The following VAV2 variants were observed in gnomAD, a reference collection of about 807,000 sequenced individuals.
VAV2 encodes guanine nucleotide exchange factor VAV2.
Under a neutral mutation model 132.5 loss-of-function variants are expected in VAV2, and 67 were observed. The ratio of observed to expected loss-of-function variants is 0.51; its 90% CI spans 0.42 to 0.62. The LOEUF (loss-of-function observed/expected upper bound fraction) is 0.62, where lower values mean the gene tolerates loss of function less well. Among genes scored for constraint, VAV2 ranks in the 20% least tolerant of loss-of-function variants. The probability of loss-of-function intolerance (pLI) is 0.00; values close to 1 mark genes in which losing one functional copy is unlikely to be tolerated. For missense variants in VAV2, 938 were observed against 1,153.6 expected (o/e 0.81, Z 2.71); for synonymous variants, 492 against 443.5 (o/e 1.11, Z -1.37).
rs74516459 is a variant in VAV2 at position 133,834,152 on chromosome 9, G to A, written c.449+120C>T. The A allele has an allele frequency of 0.011, 12,291 of 1,161,444 alleles. 902 individuals are homozygous for A. The African/African-American group carries it at 0.17, about 16-fold the overall frequency. 71.9% of individuals were successfully genotyped at this position (1,161,444 alleles called of 1,614,324 possible). On this transcript the variant is annotated intron_variant, in intron 4 of 29. Transcript: ENST00000371850. The surrounding 1 kb of genome is among the most constrained non-coding windows in gnomAD (Gnocchi z 5.9). ...CATGAGGAGATGCCCCGGTGGGAAG[G>A]GCCAGGGCCAGCTCTGCCTGCACTG...
intron 4 of VAV2, among the ~76,000 whole-genome samples, chr9:133,831,247 C>G (rs1836250144): frequency 6.6e-6 from 1 of 152,096 alleles, no homozygotes; most frequent in South Asian, 2.1e-4. Context: ...ACCAGCCTGG[C>G]CAACACGGTG....
intron 1 of VAV2, among the ~76,000 whole-genome samples, chr9:133,940,092 G>A (rs972110710): frequency 2.6e-5 from 4 of 152,190 alleles, no homozygotes; most frequent in South Asian, 2.1e-4. Context: ...GGAATCACTC[G>A]GGCCCCAGGT....
chr9:133,978,435 G>A (rs759649496), intron 1 of VAV2, among the ~76,000 whole-genome samples: 3 of 152,248 alleles, frequency 2.0e-5, no homozygotes, highest in African/African-American at 4.8e-5. Context: ...ACTTGGAGAC[G>A]GGCTCCCCAA....
intron 19 of VAV2, among the ~76,000 whole-genome samples, chr9:133,782,076 G>A (rs1834028229): frequency 6.8e-6 from 1 of 147,556 alleles, no homozygotes; most frequent in African/African-American, 2.5e-5. Context: ...ATTTTCTACG[G>A]AAAATCAGTA....
At chr9:133,977,239 T>C (rs1475153791) in intron 1 of VAV2, among the ~76,000 whole-genome samples, 1 of 152,150 alleles carries the variant, frequency 6.6e-6, no homozygotes, top group African/African-American at 2.4e-5. Flanking sequence ...TGGTGTCCAT[T>C]TGAGGAGCAG....
At chr9:133,934,405 C>A (rs1047322755) in intron 2 of VAV2, among the ~76,000 whole-genome samples, 1 of 152,208 alleles carries the variant, frequency 6.6e-6, no homozygotes, top group Non-Finnish European at 1.5e-5. Flanking sequence ...ACCTGGAGAA[C>A]CGGGGAAGCA....
intron 21 of VAV2, among the ~76,000 whole-genome samples, chr9:133,779,243 C>G (rs1053161158): frequency 3.9e-5 from 6 of 152,206 alleles, no homozygotes; most frequent in Non-Finnish European, 7.3e-5. Context: ...TCAGCAGGCC[C>G]AGCAGCTTGC....
rs370841001 is a variant in VAV2, at chr9:133,769,471, T to A, written c.2380A>T (p.Ser794Cys). 1.2e-6 allele frequency: 2 copies of A among 1,612,690 alleles called. No individual in the cohort carries two copies. The highest frequency in any genetic ancestry group is 1.7e-6 in the Non-Finnish European group (2 of 1,179,490). ...GAAGCAAAGCTGAGGCCCTGAGGAC[T>A]GAGAAAAGAAAAGTTGTAGGAAGCA... ...SCASYNFSFL[S>C]PQGLSFASQG... is the part of the protein sequence containing the mutation. Residue 794 changes from serine to cysteine, a missense_variant, in exon 28 of 30, where the codon AGT (serine) becomes TGT (cysteine). By Grantham distance (112) the Ser-to-Cys change is moderately radical (BLOSUM62 -1). Transcript: ENST00000371850. This position sits in a 1 kb window ranked among gnomAD's most constrained non-coding sequence, Gnocchi z 8.1.
rs1406003959 is a variant in VAV2, at chr9:133,764,326, C to T, written c.2590-217G>A. 2.6e-5 allele frequency among the ~76,000 whole-genome samples: 4 copies of T among 152,024 alleles called. No individual in the cohort carries two copies. In the South Asian group the frequency reaches 6.2e-4, roughly 24 times the overall value. ...GGCCAGTTTAAGATGATCTGCCCAC[C>T]CTCCAGCTGCCAGTCAGAAAAAAAA... On this transcript the variant is annotated intron_variant, in intron 29 of 29. Transcript: ENST00000371850.
At chr9:133,811,172 C>T (rs1466712970) in intron 5 of VAV2, among the ~76,000 whole-genome samples, 1 of 152,218 alleles carries the variant, frequency 6.6e-6, no homozygotes, top group Non-Finnish European at 1.5e-5. Context: ...GAACAAAACT[C>T]AGTCGAGACC....
At chr9:133,980,787 G>A (rs938769412) in intron 1 of VAV2, among the ~76,000 whole-genome samples, 4 of 152,168 alleles carry the variant, frequency 2.6e-5, no homozygotes, top group East Asian at 1.9e-4. Flanking sequence ...CTGCTGGAAC[G>A]CAGATTTCAA....
Position 133,784,401 on chromosome 9 carries a change from T to C in VAV2, c.1550A>G (p.Asp517Gly). 1 of 1,614,200 alleles carries C rather than the reference T, an allele frequency of 6.2e-7. No homozygotes were observed. The highest frequency in any genetic ancestry group is 8.5e-7 in the Non-Finnish European group (1 of 1,180,018). The change falls in exon 18 of 30, where the codon GAC becomes GGC. Residue 517 changes from aspartate (D) to glycine (G), a missense_variant. Physicochemically the swap from Asp to Gly is moderately conservative, Grantham distance 94. Transcript: ENST00000371850. ...ACTGTGGTGGTTGGCATTGGCTTTG[T>C]CTGGCTTGATGTTTGACCTGGCAGG... ...FEMAMSNIKPDKANANHHSFQ... is the reference protein window; with the variant it reads ...FEMAMSNIKPGKANANHHSFQ...
At chr9:133,951,251 A>G (rs1270009892) in intron 1 of VAV2, among the ~76,000 whole-genome samples, 2 of 152,228 alleles carry the variant, frequency 1.3e-5, no homozygotes, top group Non-Finnish European at 2.9e-5. Flanking sequence ...GCCATGCGAC[A>G]GCAAAGTGTC....
intron 3 of VAV2, among the ~76,000 whole-genome samples, chr9:133,848,344 T>C (rs1837031897): frequency 6.6e-6 from 1 of 151,582 alleles, no homozygotes. Context: ...TATTTGAATT[T>C]TGATAAAAGG....
intron 13 of VAV2, 76 bp downstream of exon 13, chr9:133,791,707 T>G: frequency 7.6e-7 from 1 of 1,323,882 alleles, no homozygotes; most frequent in East Asian, 2.3e-5. Context: ...GCTCACTCAA[T>G]ACTGGGGCTG....
At chr9:133,772,082 A>G (rs1352583098) in intron 25 of VAV2, 36 bp from the exon 26 acceptor site, 1 of 1,586,926 alleles carries the variant, frequency 6.3e-7, no homozygotes, top group Non-Finnish European at 8.7e-7. Context: ...TCACCGCGTG[A>G]GGGCCACACG....
intron 25 of VAV2, among the ~76,000 whole-genome samples, chr9:133,772,391 G>A (rs1457742055): frequency 4.6e-5 from 7 of 152,098 alleles, no homozygotes; most frequent in South Asian, 4.1e-4. Context: ...TGGAGCAGCC[G>A]GGCCCAGCCC....
rs1837682499 is a variant in VAV2 at position 133,863,525 on chromosome 9, G to A, written c.322-2093C>T. On this transcript the variant is annotated intron_variant, in intron 2 of 29. Coordinates refer to ENST00000371850, the MANE Select transcript of VAV2 (RefSeq NM_001134398.2). This position sits in a 1 kb window ranked among gnomAD's most constrained non-coding sequence, Gnocchi z 5.0. The stretch of plus-strand genomic sequence containing the variant: ...GGTTCTCCTGCGTCCATGCATCTGT[G>A]GCCCCTGTGGACAATTTCTACAGCT... Among the ~76,000 whole-genome samples the A allele has an allele frequency of 6.6e-6, 1 of 152,214 alleles. No individual in the cohort carries two copies. The highest frequency in any genetic ancestry group is 1.5e-5 in the Non-Finnish European group (1 of 68,030).
chr9:133,835,075 A>C (rs1836416129), intron 3 of VAV2, among the ~76,000 whole-genome samples: 1 of 151,798 alleles, frequency 6.6e-6, no homozygotes, highest in African/African-American at 2.4e-5. Flanking sequence ...TATATATAAC[A>C]CATAAACTTT....
Sources: allele counts gnomAD v4.1 joint callset (sites outside exome capture counted in the v4.1 genomes callset), GRCh38; gene constraint gnomAD v4.1.1; non-coding constraint Gnocchi (gnomAD v3.1); transcripts MANE v1.5; gene names NCBI Gene and HGNC (gene_info 2026-07-23, HGNC 2026-07-21).